CAPSL: variants seen among roughly 807,000 people sequenced by gnomAD.
CAPSL encodes the protein calcyphosin-like protein.
In CAPSL, 17 loss-of-function variants were observed where a neutral mutation model predicts 21.3. The ratio of observed to expected loss-of-function variants is 0.80; its 90% CI spans 0.55 to 1.20. The LOEUF is 1.20. Ranked by LOEUF, CAPSL falls within the 50% of genes most tolerant of loss-of-function variation. CAPSL has a pLI of 0.00. For synonymous variants in CAPSL, 102 were observed against 89.3 expected (o/e 1.14, Z -0.80); for missense variants, 289 against 259.3 (o/e 1.11, Z -0.79).
Position 35,919,170 on chromosome 5 carries a change from A to AAAAAAATATATATATATATAT in CAPSL, c.137+1813_137+1814insATATATATATATATATTTTTT, listed in dbSNP as rs754098152. Among the ~76,000 whole-genome samples, 4 of 121,272 alleles carry AAAAAAATATATATATATATAT rather than the reference A, an allele frequency of 3.3e-5. No homozygotes were observed. The East Asian group carries it at 6.5e-4, about 20-fold the overall frequency. The allele number at this position is 121,272 out of a possible 152,430, so 79.6% of individuals were successfully genotyped here. ...AGTATCTTTCCTGATTAAAAAAAAA[A>AAAAAAATATATATATATATAT]ATATATATATATATATATATAAAAA... On this transcript the variant is annotated intron_variant, in intron 2 of 4. Transcript: ENST00000651391.
intron 2 of CAPSL, among the ~76,000 whole-genome samples, chr5:35,920,581 G>T (rs905054550): frequency 1.5e-4 from 23 of 152,168 alleles, no homozygotes; most frequent in African/African-American, 5.5e-4. Context: ...AGAAATGATT[G>T]CCCGAGAGCA....
At chr5:35,923,695 T>C (rs1015135827) in intron 1 of CAPSL, among the ~76,000 whole-genome samples, 2 of 146,532 alleles carry the variant, frequency 1.4e-5, no homozygotes, top group Non-Finnish European at 3.0e-5. Context: ...ATATTCAGAA[T>C]AGGCAAATTC....
chr5:35,920,509 C>A (rs999746363), intron 2 of CAPSL, among the ~76,000 whole-genome samples: 1 of 152,268 alleles, frequency 6.6e-6, no homozygotes, highest in Non-Finnish European at 1.5e-5. Context: ...GCTGAGAGAA[C>A]CCCATTGGCA....
At chr5:35,930,336 AATTCAGTCCTT>A (rs978768861) in intron 1 of CAPSL, among the ~76,000 whole-genome samples, 2 of 152,218 alleles carry the variant, frequency 1.3e-5, no homozygotes, top group African/African-American at 4.8e-5. Flanking sequence ...TTGAGATGTG[AATTCAGTCCTT>A]ATTTTAATGT....
In CAPSL at chr5:35,909,086, GTT is replaced by G. The variant is rs34466604; in HGVS notation, c.525+778_525+779del. On this transcript the variant is annotated intron_variant, in intron 4 of 4. Coordinates refer to ENST00000651391, the MANE Select transcript of CAPSL (RefSeq NM_001042625.2). Reference sequence around the variant, plus strand: ...CATCTAAGAACAGAACTGGCTCAGGGTTTTTTTTTTTTTTCTAAAAAGTCAAT... The same window carrying G: ...CATCTAAGAACAGAACTGGCTCAGGGTTTTTTTTTTTTCTAAAAAGTCAAT... Among the ~76,000 whole-genome samples, 111 of 144,818 alleles carry G rather than the reference GTT, an allele frequency of 7.7e-4. 1 individual carries two copies. The highest frequency in any genetic ancestry group is 3.6e-3 in the Middle Eastern group (1 of 274).
chr5:35,932,949 C>T (rs1037996013), intron 1 of CAPSL, among the ~76,000 whole-genome samples: 3 of 152,152 alleles, frequency 2.0e-5, no homozygotes, highest in Non-Finnish European at 4.4e-5. Context: ...CAGACCACAC[C>T]AAATGGACCA....
At chr5:35,929,405 G>GCCTCAGCCTC (rs1010687090) in intron 1 of CAPSL, among the ~76,000 whole-genome samples, 11 of 148,820 alleles carry the variant, frequency 7.4e-5, no homozygotes, top group African/African-American at 2.7e-4. Context: ...CAATCCTCCT[G>GCCTCAGCCTC]CCTCAGCCTC....
chr5:35,921,367 A>T (rs1012868001), intron 1 of CAPSL, among the ~76,000 whole-genome samples: 1 of 152,128 alleles, frequency 6.6e-6, no homozygotes, highest in Non-Finnish European at 1.5e-5. Context: ...ATTTCCCAAG[A>T]TGTTTTGATC....
At chr5:35,918,783 C>T (rs2149923943) in intron 2 of CAPSL, among the ~76,000 whole-genome samples, 1 of 152,112 alleles carries the variant, frequency 6.6e-6, no homozygotes, top group African/African-American at 2.4e-5. Context: ...GCTAACAGAA[C>T]TCTAGCAATA....
chr5:35,919,809 T>C (rs765234488), intron 2 of CAPSL, among the ~76,000 whole-genome samples: 22 of 152,128 alleles, frequency 1.4e-4, no homozygotes, highest in Non-Finnish European at 3.1e-4. Context: ...ACGGTGTCCA[T>C]TGACTGTAGA....
chr5:35,935,458 G>A (rs768216451), intron 1 of CAPSL, among the ~76,000 whole-genome samples: 10 of 150,964 alleles, frequency 6.6e-5, no homozygotes, highest in East Asian at 3.9e-4. Flanking sequence ...GAAACCTCCC[G>A]AGTAGCTAGG....
chr5:35,934,631 C>A (rs1216777280), intron 1 of CAPSL, among the ~76,000 whole-genome samples: 2 of 152,148 alleles, frequency 1.3e-5, no homozygotes, highest in Non-Finnish European at 2.9e-5. Flanking sequence ...TTTTCAGTGA[C>A]CATATCCTTC....
intron 4 of CAPSL, among the ~76,000 whole-genome samples, chr5:35,906,065 G>T (rs1392360439): frequency 6.6e-6 from 1 of 152,192 alleles, no homozygotes; most frequent in African/African-American, 2.4e-5. Context: ...TCATTTTACA[G>T]CAAATAGCAA....
intron 2 of CAPSL, among the ~76,000 whole-genome samples, chr5:35,917,451 G>A (rs1263616946): frequency 6.6e-6 from 1 of 152,136 alleles, no homozygotes; most frequent in African/African-American, 2.4e-5. Context: ...CAATAGCAAA[G>A]ACTTGGAACC....
intron 1 of CAPSL, among the ~76,000 whole-genome samples, chr5:35,934,313 A>G (rs1002681249): frequency 6.6e-6 from 1 of 152,202 alleles, no homozygotes; most frequent in Non-Finnish European, 1.5e-5. Context: ...CATACCTTCC[A>G]TCCAGACACC....
intron 3 of CAPSL, 21 bp from the exon 4 acceptor site, chr5:35,910,096 A>C (rs758650769): frequency 6.4e-7 from 1 of 1,557,830 alleles, no homozygotes; most frequent in Admixed American, 2.0e-5. Context: ...AGAAGAATAC[A>C]TACAGAGACA....
chr5:35,920,104 G>A lies in CAPSL; in HGVS notation c.137+880C>T, dbSNP rs140399125. On this transcript the variant is annotated intron_variant, in intron 2 of 4. Coordinates refer to ENST00000651391, the MANE Select transcript of CAPSL (RefSeq NM_001042625.2). ...TGGCCTTCTGACAGAGCTGGGCTTA[G>A]TCTGAGACTTGGGACTGTTCAGAGT... 6.1e-3 allele frequency among the ~76,000 whole-genome samples: 928 copies of A among 152,286 alleles called. 11 individuals carry two copies. Among genetic ancestry groups the A allele is most frequent in the Non-Finnish European group, 8.4e-3 (570 of 68,034 alleles).
intron 4 of CAPSL, among the ~76,000 whole-genome samples, chr5:35,907,137 C>T (rs1760694847): frequency 6.6e-6 from 1 of 152,068 alleles, no homozygotes; most frequent in Non-Finnish European, 1.5e-5. Context: ...GGCCTCTTGA[C>T]TAGGCTACCT....
At chr5:35,912,072 C>G (rs185612583) in intron 2 of CAPSL, among the ~76,000 whole-genome samples, 3 of 152,200 alleles carry the variant, frequency 2.0e-5, no homozygotes, top group Admixed American at 6.5e-5. Flanking sequence ...TATCCTGCAC[C>G]TGGCTCGGAG....
Sources: gnomAD v4.1 joint callset for allele counts (sites outside exome capture counted in the v4.1 genomes callset) on GRCh38, gnomAD v4.1.1 for gene constraint, MANE v1.5 for transcripts, NCBI Gene and HGNC (gene_info 2026-07-23, HGNC 2026-07-21) for gene names.